LSP1: variants seen among roughly 807,000 people sequenced by gnomAD.
The protein encoded by LSP1 is lymphocyte specific protein 1, also known as lymphocyte-specific protein 1.
A neutral mutation model predicts 49.3 loss-of-function variants in LSP1; 32 were observed. The observed-to-expected ratio is 0.65, with a 90% confidence interval of 0.49 to 0.87. The LOEUF is 0.87. Ranked by LOEUF, LSP1 falls within the 40% of genes least tolerant of loss-of-function variation. LSP1 has a pLI of 0.00. For synonymous variants in LSP1, 179 were observed against 178.8 expected (o/e 1.00, Z -0.01); for missense variants, 428 against 442.6 (o/e 0.97, Z 0.30).
intron 10 of LSP1, chr11:1,891,079 T>C (rs1439351822): frequency 3.2e-5 from 5 of 157,988 alleles, no homozygotes; most frequent in African/African-American, 1.2e-4. Flanking sequence ...CACAGGCGCG[T>C]CCGCTGCGAG....
intron 2 of LSP1, 77 bp from the exon 3 acceptor site, chr11:1,881,355 C>T (rs1163010277): frequency 8.7e-6 from 12 of 1,384,662 alleles, no homozygotes; most frequent in South Asian, 2.9e-5. Flanking sequence ...CCTGAGCGGG[C>T]GCCGTGAGGT....
intron 1 of LSP1, among the ~76,000 whole-genome samples, chr11:1,858,529 G>A (rs1401359112): frequency 1.3e-5 from 2 of 152,212 alleles, no homozygotes; most frequent in Non-Finnish European, 2.9e-5. Flanking sequence ...TCTGGGAGAT[G>A]GCAGCCCAGG....
chr11:1,880,486 G>A (rs1335065404), intron 2 of LSP1, among the ~76,000 whole-genome samples: 1 of 152,056 alleles, frequency 6.6e-6, no homozygotes, highest in Non-Finnish European at 1.5e-5. Context: ...CCCTTGCTCG[G>A]ACCGCCTCTG....
Position 1,858,037 on chromosome 11 carries a change from T to A in LSP1, c.53+4840T>A, listed in dbSNP as rs1406607261. 2.6e-5 allele frequency among the ~76,000 whole-genome samples: 4 copies of A among 152,326 alleles called. No individual in the cohort carries two copies. In the East Asian group the frequency reaches 7.7e-4, roughly 29 times the overall value. On this transcript the variant is annotated intron_variant, in intron 1 of 10. Coordinates refer to ENST00000311604, the MANE Select transcript of LSP1 (RefSeq NM_002339.3). ...TCCCAAAGTCCTGGGATTACAAGCA[T>A]GAACCACCGCGCCCTGCCTTTGCCA... is the stretch of plus-strand genomic sequence containing the variant.
At chr11:1,853,270 G>A (rs1847406340) in intron 1 of LSP1, 73 bp downstream of exon 1, 2 of 1,496,728 alleles carry the variant, frequency 1.3e-6, no homozygotes, top group South Asian at 1.2e-5. Flanking sequence ...TGCATGGAGG[G>A]TGGAGAACTG....
intron 1 of LSP1, chr11:1,868,661 C>G (rs1847874378): frequency 1.0e-6 from 1 of 985,654 alleles, no homozygotes; most frequent in African/African-American, 1.7e-5. Context: ...TGGGGTAGCC[C>G]CCGCCCTGGC....
At position 1,887,583 on chromosome 11, in the gene LSP1, C is replaced by A. The variant is rs1388547321; in HGVS notation, c.*13+7C>A. ...CCCTAGGCGTCCCATCTCGGTGAGT[C>A]CCTGGCAACTCACAGAAGGGGATGA... On this transcript the variant is annotated splice_region_variant and intron_variant, in intron 10 of 10. Transcript: ENST00000311604. 5.6e-6 allele frequency: 9 copies of A among 1,605,034 alleles called. No homozygotes were observed. Among genetic ancestry groups the A allele is most frequent in the Non-Finnish European group, 7.7e-6 (9 of 1,173,098 alleles).
chr11:1,863,780 C>T (rs1296427528), intron 1 of LSP1, among the ~76,000 whole-genome samples: 1 of 152,126 alleles, frequency 6.6e-6, no homozygotes, highest in Non-Finnish European at 1.5e-5. Flanking sequence ...GCCTGGCTGG[C>T]GAGGGCACCA....
chr11:1,853,549 C>T (rs1847413655), intron 1 of LSP1, among the ~76,000 whole-genome samples: 1 of 152,154 alleles, frequency 6.6e-6, no homozygotes, highest in East Asian at 1.9e-4. Flanking sequence ...GCCCTGTTAG[C>T]TTGGGAAGAG....
Position 1,869,820 on chromosome 11 carries a change from C to T in LSP1, c.54-10267C>T, listed in dbSNP as rs188204396. ...GGGCGTGGGGGGGGCTGGTTTTCCC[C>T]GAGACTGAGAAATGAATTTCTGCAC... On this transcript the variant is annotated intron_variant, in intron 1 of 10. Transcript: ENST00000311604. 3.3e-3 allele frequency: 1,529 copies of T among 467,990 alleles called. 3 individuals carry two copies. The highest frequency in any genetic ancestry group is 5.3e-3 in the Admixed American group (223 of 42,458). 29.0% of individuals were successfully genotyped at this position (467,990 alleles called of 1,614,324 possible).
At chr11:1,857,613 G>A (rs1847522075) in intron 1 of LSP1, among the ~76,000 whole-genome samples, 1 of 152,194 alleles carries the variant, frequency 6.6e-6, no homozygotes, top group African/African-American at 2.4e-5. Flanking sequence ...CCCAGGGCTG[G>A]CCTTGCTTCG....
chr11:1,865,979 C>T (rs1589810201), intron 1 of LSP1, among the ~76,000 whole-genome samples: 1 of 152,068 alleles, frequency 6.6e-6, no homozygotes, highest in Non-Finnish European at 1.5e-5. Flanking sequence ...CTCTCCCAGC[C>T]TGTTTCTTCC....
At chr11:1,881,249 G>A in intron 2 of LSP1, 183 bp from the exon 3 acceptor site, 2 of 567,730 alleles carry the variant, frequency 3.5e-6, no homozygotes, top group Non-Finnish European at 3.0e-6. Context: ...ACTGACGGGG[G>A]AGGCATAGCC....
intron 1 of LSP1, among the ~76,000 whole-genome samples, chr11:1,867,463 C>T (rs929033015): frequency 1.5e-4 from 23 of 152,194 alleles, no homozygotes; most frequent in African/African-American, 5.5e-4. Context: ...CCAGTCCCAG[C>T]CCTGCAGGCC....
intron 1 of LSP1, among the ~76,000 whole-genome samples, chr11:1,872,595 C>T (rs1169997590): frequency 8.0e-6 from 1 of 125,518 alleles, no homozygotes; most frequent in Non-Finnish European, 1.7e-5. Context: ...GTGTGTGTGG[C>T]AGGCAGGCCT....
At chr11:1,865,168 C>T in intron 1 of LSP1, 2 of 985,848 alleles carry the variant, frequency 2.0e-6, no homozygotes, top group Non-Finnish European at 2.4e-6. Flanking sequence ...GGGCTGGGGT[C>T]AGGCCAGGTC....
intron 1 of LSP1, among the ~76,000 whole-genome samples, chr11:1,860,017 G>A (rs1385432335): frequency 6.6e-6 from 1 of 152,108 alleles, no homozygotes; most frequent in African/African-American, 2.4e-5. Context: ...TGATGAGAAT[G>A]TGTCAATATG....
intron 1 of LSP1, among the ~76,000 whole-genome samples, chr11:1,872,057 C>T (rs1848042057): frequency 7.5e-6 from 1 of 133,984 alleles, no homozygotes; most frequent in African/African-American, 2.9e-5. Flanking sequence ...TATAGTCACC[C>T]TGGTGCACGC....
At chr11:1,875,065 GTCCC>G in intron 1 of LSP1, among the ~76,000 whole-genome samples, 1 of 152,028 alleles carries the variant, frequency 6.6e-6, no homozygotes, top group African/African-American at 2.4e-5. Flanking sequence ...CTGACCCTGG[GTCCC>G]AGCTCGGCCA....
Sources: allele counts gnomAD v4.1 joint callset (sites outside exome capture counted in the v4.1 genomes callset), GRCh38; gene constraint gnomAD v4.1.1; transcripts MANE v1.5; gene names NCBI Gene and HGNC (gene_info 2026-07-23, HGNC 2026-07-21).